VWDE: variants seen among roughly 807,000 people sequenced by gnomAD.
VWDE encodes the protein von Willebrand factor D and EGF domain-containing protein.
VWDE carries 207 observed loss-of-function variants against 178.4 expected under a neutral mutation model. That is an observed-to-expected ratio of 1.16 (90% CI 1.04 to 1.30). The LOEUF is 1.30. VWDE is among the 50% of genes most tolerant of loss of function. The probability of loss-of-function intolerance (pLI) is 0.00; values close to 1 mark genes in which losing one functional copy is unlikely to be tolerated. For missense variants in VWDE, 2,287 were observed against 1,901.3 expected, an observed-to-expected ratio of 1.20 and a Z score of -3.77; for synonymous variants, 738 against 651.4, an observed-to-expected ratio of 1.13 and a Z score of -2.02.
rs1202861406 is a variant in VWDE, at chr7:12,356,216, G to A, written c.3640C>T (p.Leu1214Phe). Residue 1214 changes from leucine to phenylalanine, a missense_variant, in exon 18 of 29, where the codon CTT becomes TTT. Physicochemically the swap from Leu to Phe is conservative, Grantham distance 22 (BLOSUM62 0). Coordinates refer to ENST00000275358, the MANE Select transcript of VWDE (RefSeq NM_001135924.3). ...CVCLPGFHGS[L>F]CEVDISGCQS... is the part of the protein sequence containing the mutation. Reference sequence around the variant, plus strand: ...CACCCACTAATGTCCACTTCACAAAGGCTGCCATGGAAGCCAGGCAAGCAG... The same window carrying A: ...CACCCACTAATGTCCACTTCACAAAAGCTGCCATGGAAGCCAGGCAAGCAG... 1 of 1,551,510 alleles carries A rather than the reference G, an allele frequency of 6.4e-7. No homozygotes were observed. Among genetic ancestry groups the A allele is most frequent in the South Asian group, 1.2e-5 (1 of 84,050 alleles).
intron 4 of VWDE, among the ~76,000 whole-genome samples, chr7:12,381,771 T>C (rs1011617755): frequency 1.3e-5 from 2 of 151,926 alleles, no homozygotes; most frequent in African/African-American, 4.8e-5. Context: ...TGAGTAAAAA[T>C]TTATCCTTAA....
At chr7:12,361,304 C>A in intron 14 of VWDE, 53 bp from the exon 15 acceptor site, 1 of 1,536,486 alleles carries the variant, frequency 6.5e-7, no homozygotes, top group Non-Finnish European at 8.8e-7. Context: ...GTTCTAAATT[C>A]ATTATGAAAT....
chr7:12,364,814 C>T (rs1045488491), intron 13 of VWDE, among the ~76,000 whole-genome samples: 9 of 152,046 alleles, frequency 5.9e-5, no homozygotes, highest in African/African-American at 2.2e-4. Context: ...AAAAGTGTCT[C>T]CCTACAACGT....
intron 13 of VWDE, among the ~76,000 whole-genome samples, chr7:12,367,152 C>A (rs544974836): frequency 6.6e-6 from 1 of 152,056 alleles, no homozygotes; most frequent in Non-Finnish European, 1.5e-5. Context: ...TGAGCCGATA[C>A]TTCAATAAAA....
intron 16 of VWDE, 49 bp from the exon 17 acceptor site, chr7:12,357,564 GA>G: frequency 6.5e-7 from 1 of 1,538,034 alleles, no homozygotes; most frequent in Admixed American, 2.0e-5. Context: ...AAAAAGGAAT[GA>G]AGTGTACTTC....
intron 21 of VWDE, 92 bp downstream of exon 21, chr7:12,344,103 A>C: frequency 5.2e-6 from 5 of 962,928 alleles, no homozygotes; most frequent in Non-Finnish European, 7.9e-6. Flanking sequence ...TAATATATAC[A>C]CAGTAAAACT....
intron 16 of VWDE, 145 bp downstream of exon 16, chr7:12,359,433 C>T: frequency 5.5e-6 from 3 of 542,732 alleles, no homozygotes; most frequent in Non-Finnish European, 6.7e-6. Flanking sequence ...ATCCTATACC[C>T]TCAACGTAAA....
intron 22 of VWDE, among the ~76,000 whole-genome samples, chr7:12,342,474 C>T (rs933493424): frequency 6.6e-6 from 1 of 151,864 alleles, no homozygotes; most frequent in Non-Finnish European, 1.5e-5. Flanking sequence ...AATTTATATG[C>T]AATTTAACAG....
intron 19 of VWDE, among the ~76,000 whole-genome samples, chr7:12,345,896 G>T (rs1444376607): frequency 6.6e-6 from 1 of 152,084 alleles, no homozygotes; most frequent in African/African-American, 2.4e-5. Flanking sequence ...TGATAGTAGC[G>T]GGAGTAGGAG....
In VWDE at chr7:12,380,472, G is replaced by GT. The variant is rs1352483632; in HGVS notation, c.789+13dup. The GT allele has an allele frequency of 1.9e-6, 3 of 1,544,526 alleles. No homozygotes were observed. The highest frequency in any genetic ancestry group is 2.6e-6 in the Non-Finnish European group (3 of 1,144,238). On this transcript the variant is annotated intron_variant, in intron 5 of 28. Coordinates refer to ENST00000275358, the MANE Select transcript of VWDE (RefSeq NM_001135924.3). The stretch of plus-strand genomic sequence containing the variant: ...ACATTCATGAAAATAAAATGCAACT[G>GT]TTTTTTAACATACCCTGTCTCCAAG...
chr7:12,334,071 T>C (rs1223343678), intron 27 of VWDE, among the ~76,000 whole-genome samples: 2 of 152,162 alleles, frequency 1.3e-5, no homozygotes, highest in Admixed American at 1.3e-4. Context: ...CATACATTTC[T>C]TACTTGAAAT....
Position 12,362,986 on chromosome 7 carries a change from C to T in VWDE, c.2899-1465G>A, listed in dbSNP as rs535452902. 2.0e-5 allele frequency among the ~76,000 whole-genome samples: 3 copies of T among 152,088 alleles called. No homozygotes were observed. The South Asian group carries it at 6.2e-4, about 32-fold the overall frequency. On this transcript the variant is annotated intron_variant, in intron 13 of 28. Coordinates refer to ENST00000275358, the MANE Select transcript of VWDE (RefSeq NM_001135924.3). ...CCAACTTTCTATTTCAAGGGGCCTACCCAAAATGAGGAATATACAGTGTTC... is the reference window on the plus strand; with the variant it reads ...CCAACTTTCTATTTCAAGGGGCCTATCCAAAATGAGGAATATACAGTGTTC...
intron 17 of VWDE, among the ~76,000 whole-genome samples, chr7:12,356,828 C>G (rs897145536): frequency 6.6e-6 from 1 of 152,110 alleles, no homozygotes; most frequent in Non-Finnish European, 1.5e-5. Context: ...CTGACATAAT[C>G]AAAAGAAAAG....
At chr7:12,367,265 T>C in intron 13 of VWDE, 92 bp downstream of exon 13, 2 of 1,021,848 alleles carry the variant, frequency 2.0e-6, no homozygotes, top group Non-Finnish European at 2.6e-6. Flanking sequence ...TTTGGATTTA[T>C]GTTGCTAATT....
At chr7:12,366,807 A>G (rs968549761) in intron 13 of VWDE, among the ~76,000 whole-genome samples, 5 of 152,122 alleles carry the variant, frequency 3.3e-5, no homozygotes, top group African/African-American at 1.2e-4. Flanking sequence ...AAAGACAAGG[A>G]AGACCATTTA....
At chr7:12,334,455 T>TA (rs36049029) in intron 27 of VWDE, among the ~76,000 whole-genome samples, 101,713 of 132,878 alleles carry the variant, frequency 0.77, 35,517 homozygotes, top group African/African-American at 0.9. Flanking sequence ...ATTGACAGGG[T>TA]TGTTTTCATC....
chr7:12,387,053 C>A (rs895707088), intron 3 of VWDE, among the ~76,000 whole-genome samples: 3 of 151,858 alleles, frequency 2.0e-5, no homozygotes, highest in Non-Finnish European at 4.4e-5. Context: ...AGCCTTATTT[C>A]TTTTTTAAAG....
chr7:12,344,859 T>C (rs970494210), intron 19 of VWDE, among the ~76,000 whole-genome samples: 2 of 152,168 alleles, frequency 1.3e-5, no homozygotes, highest in Non-Finnish European at 2.9e-5. Flanking sequence ...ACCTAGTTCA[T>C]GCAAATAAGC....
At chr7:12,379,719 A>T (rs1025986908) in intron 5 of VWDE, among the ~76,000 whole-genome samples, 153 bp from the exon 6 acceptor site, 5 of 152,240 alleles carry the variant, frequency 3.3e-5, no homozygotes, top group Non-Finnish European at 7.3e-5. Flanking sequence ...TTGATATTTC[A>T]GAAAAATTCC....
Sources: allele counts gnomAD v4.1 joint callset (sites outside exome capture counted in the v4.1 genomes callset), GRCh38; gene constraint gnomAD v4.1.1; transcripts MANE v1.5; gene names NCBI Gene and HGNC (gene_info 2026-07-23, HGNC 2026-07-21).